Variants in DNAH6 observed in about 807,000 individuals in gnomAD.
The protein encoded by DNAH6 is dynein axonemal heavy chain 6.
DNAH6 carries 340 observed loss-of-function variants against 491.4 expected under a neutral mutation model. That is an observed-to-expected ratio of 0.69 (90% confidence interval 0.63 to 0.76). The LOEUF (loss-of-function observed/expected upper bound fraction) is 0.76. Among genes scored for constraint, DNAH6 ranks in the 30% least tolerant of loss-of-function variants. The pLI is 0.00. For missense variants in DNAH6, 4,443 were observed against 4,972.2 expected (o/e 0.89, Z 3.20); for synonymous variants, 1,603 against 1,686.1 (o/e 0.95, Z 1.21).
chr2:84,803,527 A>G (rs548876996), intron 70 of DNAH6, among the ~76,000 whole-genome samples: 1 of 152,070 alleles, frequency 6.6e-6, no homozygotes, highest in East Asian at 1.9e-4. Context: ...AGCTTTCTAT[A>G]TTATAGAATT....
intron 42 of DNAH6, among the ~76,000 whole-genome samples, chr2:84,681,772 C>G (rs959071132): frequency 2.6e-5 from 4 of 151,806 alleles, no homozygotes; most frequent in Non-Finnish European, 5.9e-5. Context: ...AGCAGTTGGA[C>G]CAGAGCTGCC....
At chr2:84,630,572 A>C (rs944424096) in intron 29 of DNAH6, among the ~76,000 whole-genome samples, 1 of 152,226 alleles carries the variant, frequency 6.6e-6, no homozygotes, top group Non-Finnish European at 1.5e-5. Flanking sequence ...AATAAATTGC[A>C]TAAAAGAGAG....
At chr2:84,593,806 G>GTT (rs545873393) in intron 16 of DNAH6, among the ~76,000 whole-genome samples, 166 bp from the exon 17 acceptor site, 3 of 145,282 alleles carry the variant, frequency 2.1e-5, no homozygotes, top group Non-Finnish European at 4.6e-5. Context: ...GTTTTGTGGA[G>GTT]TTTTTTTTTT....
intron 18 of DNAH6, among the ~76,000 whole-genome samples, chr2:84,603,194 T>A (rs1233012247): frequency 6.6e-6 from 1 of 152,066 alleles, no homozygotes; most frequent in African/African-American, 2.4e-5. Flanking sequence ...TATAGTACAG[T>A]AAATACCAAA....
At chr2:84,523,341 CT>C (rs1676318130) in intron 2 of DNAH6, among the ~76,000 whole-genome samples, 1 of 151,946 alleles carries the variant, frequency 6.6e-6, no homozygotes, top group Non-Finnish European at 1.5e-5. Flanking sequence ...GATCTTTTCT[CT>C]TTCCTTCTTT....
At chr2:84,510,535 C>T in the DNAH6 span, among the ~76,000 whole-genome samples, 4 of 152,178 alleles carry the variant, frequency 2.6e-5, no homozygotes, top group African/African-American at 7.2e-5. Flanking sequence ...TCCTTTAGCT[C>T]GGAGTAGTTT....
chr2:84,719,333 G>T (rs1697860410), intron 59 of DNAH6, among the ~76,000 whole-genome samples: 2 of 151,908 alleles, frequency 1.3e-5, no homozygotes, highest in Admixed American at 6.5e-5. Flanking sequence ...GCGGTTGTGT[G>T]TTAACCCACT....
chr2:84,780,937 T>C (rs960008466), intron 64 of DNAH6, among the ~76,000 whole-genome samples: 1 of 152,206 alleles, frequency 6.6e-6, no homozygotes, highest in African/African-American at 2.4e-5. Context: ...ACAGATGTTG[T>C]GTGATTAATC....
At chr2:84,738,953 C>T (rs529592657) in intron 62 of DNAH6, among the ~76,000 whole-genome samples, 8 of 152,220 alleles carry the variant, frequency 5.3e-5, no homozygotes, top group African/African-American at 1.9e-4. Flanking sequence ...CTTTCATGTG[C>T]TTTCATGGTA....
rs868451794 is a variant in DNAH6, at chr2:84,799,368, G to A, written c.11481+1710G>A. Among the ~76,000 whole-genome samples the A allele has an allele frequency of 1.1e-4, 16 of 152,324 alleles. No individual in the cohort carries two copies. In the East Asian group the frequency reaches 1.5e-3, roughly 15 times the overall value. ...GAGTTCCATAGCCCAGAATGCCTGGGCTGGCTCAGTGATCTGGACAAAAAT... is the reference window on the plus strand; with the variant it reads ...GAGTTCCATAGCCCAGAATGCCTGGACTGGCTCAGTGATCTGGACAAAAAT... On this transcript the variant is annotated intron_variant, in intron 70 of 76. Transcript: ENST00000389394.
Position 84,528,360 on chromosome 2 carries a change from G to A in DNAH6, c.400-544G>A, listed in dbSNP as rs190284512. On this transcript the variant is annotated intron_variant, in intron 3 of 76. Transcript: ENST00000389394. ...AGAAGCACTGGTCTAAAAAACAGCC[G>A]ATATTAGTTGATAAAATCAATGCTT... 2.4e-3 allele frequency among the ~76,000 whole-genome samples: 367 copies of A among 152,238 alleles called. 1 individual carries two copies. The highest frequency in any genetic ancestry group is 4.2e-3 in the Non-Finnish European group (283 of 68,000).
intron 31 of DNAH6, 60 bp from the exon 32 acceptor site, chr2:84,640,370 A>C: frequency 9.4e-7 from 1 of 1,061,340 alleles, no homozygotes; most frequent in East Asian, 2.7e-5. Flanking sequence ...TGTTGGTATC[A>C]TGCTAATACA....
chr2:84,706,339 T>G (rs778248234), intron 52 of DNAH6, among the ~76,000 whole-genome samples: 3 of 152,270 alleles, frequency 2.0e-5, no homozygotes, highest in Non-Finnish European at 2.9e-5. Flanking sequence ...TGAATAAGCA[T>G]GACTATGTTC....
chr2:84,809,893 A>G (rs1305697798), intron 72 of DNAH6, among the ~76,000 whole-genome samples: 1 of 152,086 alleles, frequency 6.6e-6, no homozygotes, highest in Non-Finnish European at 1.5e-5. Flanking sequence ...CTTTCTTCTT[A>G]TATCCCATTA....
chr2:84,639,145 T>G (rs1000082021), intron 31 of DNAH6, among the ~76,000 whole-genome samples: 2 of 152,144 alleles, frequency 1.3e-5, no homozygotes, highest in African/African-American at 4.8e-5. Flanking sequence ...ATACCCACTG[T>G]GGGCATGGTG....
chr2:84,556,031 C>A (rs953542697), intron 10 of DNAH6, among the ~76,000 whole-genome samples: 1 of 152,226 alleles, frequency 6.6e-6, no homozygotes, highest in African/African-American at 2.4e-5. Flanking sequence ...CAAATCTAAT[C>A]ATGTCCCTTT....
At chr2:84,627,169 T>C (rs1448560165) in intron 29 of DNAH6, among the ~76,000 whole-genome samples, 1 of 152,172 alleles carries the variant, frequency 6.6e-6, no homozygotes, top group Non-Finnish European at 1.5e-5. Context: ...AATCAGAACT[T>C]TGGAGCTAGA....
the DNAH6 span, among the ~76,000 whole-genome samples, chr2:84,478,291 C>G: frequency 2.0e-5 from 3 of 152,214 alleles, no homozygotes; most frequent in African/African-American, 7.2e-5. Flanking sequence ...CAGCACAATT[C>G]TAAGAAAGAA....
intron 63 of DNAH6, among the ~76,000 whole-genome samples, chr2:84,756,803 T>C (rs768726901): frequency 3.9e-5 from 6 of 152,234 alleles, no homozygotes; most frequent in Non-Finnish European, 7.3e-5. Flanking sequence ...AAATGCCAGA[T>C]GGCTTCTGAT....
Sources: allele counts gnomAD v4.1 joint callset (sites outside exome capture counted in the v4.1 genomes callset), GRCh38; gene constraint gnomAD v4.1.1; transcripts MANE v1.5; gene names NCBI Gene and HGNC (gene_info 2026-07-23, HGNC 2026-07-21).